The following RBMS3 variants were observed in gnomAD, a reference collection of about 807,000 sequenced individuals.
RBMS3 encodes RNA-binding motif, single-stranded-interacting protein 3.
A neutral mutation model predicts 66.8 loss-of-function variants in RBMS3; 27 were observed. The ratio of observed to expected loss-of-function variants is 0.40; its 90% CI spans 0.30 to 0.56. The LOEUF is 0.56. Ranked by LOEUF, RBMS3 falls within the 20% of genes least tolerant of loss-of-function variation. RBMS3 has a pLI of 0.40. For synonymous variants in RBMS3, 188 were observed against 183.0 expected (o/e 1.03, Z -0.22); for missense variants, 513 against 549.5 (o/e 0.93, Z 0.66).
Position 29,739,192 on chromosome 3 carries a change from A to G in RBMS3, c.400-528A>G, listed in dbSNP as rs186993699. 7.1e-3 allele frequency among the ~76,000 whole-genome samples: 1,078 copies of G among 152,280 alleles called. 6 individuals carry two copies. Among genetic ancestry groups the G allele is most frequent in the Middle Eastern group, 0.014 (4 of 292 alleles). On this transcript the variant is annotated intron_variant, in intron 4 of 14. Transcript: ENST00000383767. ...TGGTCGGCCGGACGTGATGGCTCAC[A>G]CCTGTAATCCCAGCACTTTGGGAGG...
intron 3 of RBMS3, among the ~76,000 whole-genome samples, chr3:29,583,289 G>T (rs2047395550): frequency 6.6e-6 from 1 of 152,074 alleles, no homozygotes; most frequent in Non-Finnish European, 1.5e-5. Flanking sequence ...GAAGAAGCCA[G>T]AGAGAAGGCA....
At chr3:29,875,157 A>T (rs1028878059) in intron 7 of RBMS3, among the ~76,000 whole-genome samples, 3 of 152,116 alleles carry the variant, frequency 2.0e-5, no homozygotes, top group African/African-American at 7.2e-5. Context: ...CAACTGGGAG[A>T]TTTCTGGAGT....
chr3:29,560,715 G>A (rs553216944), intron 3 of RBMS3, among the ~76,000 whole-genome samples: 1 of 152,190 alleles, frequency 6.6e-6, no homozygotes, highest in Non-Finnish European at 1.5e-5. Flanking sequence ...TCATTTTGTT[G>A]TATAAACTCT....
intron 4 of RBMS3, among the ~76,000 whole-genome samples, chr3:29,638,166 C>T (rs1195837886): frequency 6.6e-6 from 1 of 151,704 alleles, no homozygotes; most frequent in East Asian, 1.9e-4. Context: ...AATAAGAAGA[C>T]ATCAGAGCCC....
chr3:29,439,280 A>G (rs1349541938), intron 2 of RBMS3, among the ~76,000 whole-genome samples: 2 of 152,226 alleles, frequency 1.3e-5, no homozygotes, highest in African/African-American at 2.4e-5. Context: ...GGAAGTTCGC[A>G]TAGCTATATT....
chr3:29,592,947 G>A (rs1195111061), intron 4 of RBMS3, among the ~76,000 whole-genome samples: 1 of 136,710 alleles, frequency 7.3e-6, no homozygotes, highest in Non-Finnish European at 1.5e-5. Flanking sequence ...TCATAGGTGG[G>A]AATTGAACAA....
chr3:29,463,124 C>T (rs990904780), intron 2 of RBMS3, among the ~76,000 whole-genome samples: 2 of 152,148 alleles, frequency 1.3e-5, no homozygotes, highest in African/African-American at 4.8e-5. Flanking sequence ...GTCAGGCTTC[C>T]ATGACAAGGT....
intron 6 of RBMS3, among the ~76,000 whole-genome samples, chr3:29,783,065 C>T (rs2056694014): frequency 6.6e-6 from 1 of 152,006 alleles, no homozygotes; most frequent in Admixed American, 6.6e-5. Flanking sequence ...AATGTCCAAA[C>T]CTAAGAATAA....
chr3:29,944,490 C>T (rs1695162702), intron 12 of RBMS3, among the ~76,000 whole-genome samples: 1 of 151,508 alleles, frequency 6.6e-6, no homozygotes, highest in Non-Finnish European at 1.5e-5. Flanking sequence ...AACTCAAAAC[C>T]ATTTTATCTG....
chr3:29,504,946 T>C (rs2044125307), intron 3 of RBMS3, among the ~76,000 whole-genome samples: 1 of 152,108 alleles, frequency 6.6e-6, no homozygotes, highest in Non-Finnish European at 1.5e-5. Context: ...GATATTGAAT[T>C]GATATATGTT....
chr3:29,769,597 AT>A (rs772567261), intron 6 of RBMS3, among the ~76,000 whole-genome samples: 13 of 145,784 alleles, frequency 8.9e-5, no homozygotes, highest in Non-Finnish European at 1.7e-4. Context: ...GGTTAAGTGA[AT>A]AGTGACAAAG....
chr3:29,552,766 A>G (rs1361558017), intron 3 of RBMS3, among the ~76,000 whole-genome samples: 4 of 152,196 alleles, frequency 2.6e-5, no homozygotes, highest in African/African-American at 9.7e-5. Flanking sequence ...GGAAATGGTG[A>G]ACACAAAATA....
At chr3:29,880,784 C>G (rs564063897) in intron 7 of RBMS3, 1 of 1,536,128 alleles carries the variant, frequency 6.5e-7, no homozygotes, top group African/African-American at 1.4e-5. Context: ...CAAAGGTACT[C>G]AGAGGCAGGA....
intron 10 of RBMS3, among the ~76,000 whole-genome samples, chr3:29,904,987 T>A (rs762499544): frequency 5.3e-5 from 8 of 152,064 alleles, no homozygotes; most frequent in Admixed American, 1.3e-4. Context: ...TAAATTTTAA[T>A]TGTATATTTG....
In RBMS3 at chr3:29,828,187, A is replaced by G. The variant is rs112180795; in HGVS notation, c.638-40671A>G. ...CTGTCCTGGAAATCACTTTTCAGCC[A>G]CACAAAATTTCACTGGCCCTATATC... On this transcript the variant is annotated intron_variant, in intron 6 of 14. Coordinates refer to ENST00000383767, the MANE Select transcript of RBMS3 (RefSeq NM_001003793.3). Among the ~76,000 whole-genome samples the G allele has an allele frequency of 2.9e-3, 438 of 152,224 alleles. 5 individuals carry two copies. The highest frequency in any genetic ancestry group is 9.6e-3 in the African/African-American group (399 of 41,560).
In RBMS3 at chr3:29,326,976, C is replaced by T. The variant is rs1341888876; in HGVS notation, c.75+45220C>T. Among the ~76,000 whole-genome samples the T allele has an allele frequency of 3.3e-5, 5 of 152,064 alleles. No homozygotes were observed. The South Asian group carries it at 8.3e-4, about 25-fold the overall frequency. The stretch of plus-strand genomic sequence containing the variant: ...CGATCTCCTGACCTCATGATCTGCC[C>T]GCACTGGCCTCCCAAAGTGCTGGGA... On this transcript the variant is annotated intron_variant, in intron 1 of 14. Coordinates refer to ENST00000383767, the MANE Select transcript of RBMS3 (RefSeq NM_001003793.3).
intron 6 of RBMS3, among the ~76,000 whole-genome samples, chr3:29,812,711 A>G (rs1016183092): frequency 2.0e-5 from 3 of 152,186 alleles, no homozygotes; most frequent in Admixed American, 6.5e-5. Flanking sequence ...TTTATTGCCA[A>G]AAGTGAGAAA....
intron 5 of RBMS3, among the ~76,000 whole-genome samples, chr3:29,748,681 C>G (rs2149362252): frequency 6.6e-6 from 1 of 152,212 alleles, no homozygotes; most frequent in African/African-American, 2.4e-5. Context: ...TCATGGCTCT[C>G]TGGGTTGGAT....
At chr3:29,847,455 T>G (rs1023323852) in intron 6 of RBMS3, among the ~76,000 whole-genome samples, 3 of 152,182 alleles carry the variant, frequency 2.0e-5, no homozygotes, top group African/African-American at 7.2e-5. Flanking sequence ...GGGCAAAGAT[T>G]AAAATTACCC....
Sources: allele counts gnomAD v4.1 joint callset (sites outside exome capture counted in the v4.1 genomes callset), GRCh38; gene constraint gnomAD v4.1.1; transcripts MANE v1.5; gene names NCBI Gene and HGNC (gene_info 2026-07-23, HGNC 2026-07-21).